CELF2: variants seen among roughly 807,000 people sequenced by gnomAD.
CELF2 encodes CUG triplet repeat RNA-binding protein 2.
Under a neutral mutation model 62.6 loss-of-function variants are expected in CELF2, and 8 were observed. The observed-to-expected ratio is 0.13, with a 90% CI of 0.07 to 0.23. The LOEUF is 0.23. Among genes scored for constraint, CELF2 ranks in the 10% least tolerant of loss-of-function variants. The pLI is 1.00. For missense variants in CELF2, 333 were observed against 671.0 expected, an observed-to-expected ratio of 0.50 and a Z score of 5.56; for synonymous variants, 258 against 250.0, an observed-to-expected ratio of 1.03 and a Z score of -0.30.
At chr10:10,814,557 C>T (rs1210765745) in intron 1 of CELF2, among the ~76,000 whole-genome samples, 3 of 152,196 alleles carry the variant, frequency 2.0e-5, no homozygotes, top group Admixed American at 1.3e-4. Flanking sequence ...ACTTCCAACA[C>T]GTGCCTCTTG....
intron 1 of CELF2, among the ~76,000 whole-genome samples, chr10:11,085,978 A>C (rs1283770388): frequency 6.6e-6 from 1 of 152,162 alleles, no homozygotes; most frequent in Non-Finnish European, 1.5e-5. Flanking sequence ...TAACAAGTTC[A>C]TTGTGATGGA....
chr10:10,871,669 C>T (rs1038156455), intron 1 of CELF2, among the ~76,000 whole-genome samples: 5 of 151,964 alleles, frequency 3.3e-5, no homozygotes, highest in African/African-American at 7.3e-5. Flanking sequence ...TCAGGCATTT[C>T]GAAAGACTTC....
At position 11,217,747 on chromosome 10, in the gene CELF2, T is replaced by C. The variant is rs1046765021; in HGVS notation, c.354+240T>C. ...GCATCCCCTGGTTAGAAAATCAGAG[T>C]GACCCCACTGGGCAGCCACGGCTGC... On this transcript the variant is annotated intron_variant, in intron 3 of 12. Transcript: ENST00000633077. This position sits in a 1 kb window ranked among gnomAD's most constrained non-coding sequence, Gnocchi z 5.6. Among the ~76,000 whole-genome samples, 3 of 151,882 alleles carry C rather than the reference T, an allele frequency of 2.0e-5. No individual in the cohort carries two copies. Among genetic ancestry groups the C allele is most frequent in the Non-Finnish European group, 2.9e-5 (2 of 67,972 alleles).
intron 1 of CELF2, among the ~76,000 whole-genome samples, chr10:11,149,362 G>A (rs982500475): frequency 2.0e-5 from 3 of 152,140 alleles, no homozygotes; most frequent in Non-Finnish European, 2.9e-5. Flanking sequence ...GAGCCACCAC[G>A]CCTGACCTAT....
rs372195630 is a variant in CELF2 at position 10,864,094 on chromosome 10, A to G, written c.54-55870A>G. Among the ~76,000 whole-genome samples, 10 of 152,308 alleles carry G rather than the reference A, an allele frequency of 6.6e-5. No individual in the cohort carries two copies. The East Asian group carries it at 1.2e-3, about 18-fold the overall frequency. On this transcript the variant is annotated intron_variant, in intron 1 of 13. Transcript: ENST00000636488. Reference sequence around the variant, plus strand: ...ACATGCTTATTATAATTAGCATATAATAAGGGCTTAGTCAAAATGCACTCA... The same window carrying G: ...ACATGCTTATTATAATTAGCATATAGTAAGGGCTTAGTCAAAATGCACTCA...
chr10:11,329,064 A>G lies in CELF2; in HGVS notation c.*11A>G, dbSNP rs1467602317. On this transcript the variant is annotated 3_prime_UTR_variant, in exon 13 of 13. Coordinates refer to ENST00000633077, the MANE Select transcript of CELF2 (RefSeq NM_001326342.2). The surrounding 1 kb of genome is among the most constrained non-coding windows in gnomAD (Gnocchi z 5.5). ...AGCAAACCTTACTGATCCTAACCCC[A>G]GAGGCTCCCTGCTCTCATTTTAGCT... 3.1e-6 allele frequency: 5 copies of G among 1,606,206 alleles called. No individual in the cohort carries two copies. Among genetic ancestry groups the G allele is most frequent in the Non-Finnish European group, 4.3e-6 (5 of 1,174,342 alleles).
chr10:11,104,478 G>A (rs2052783418), intron 1 of CELF2, among the ~76,000 whole-genome samples: 1 of 152,118 alleles, frequency 6.6e-6, no homozygotes, highest in Non-Finnish European at 1.5e-5. Flanking sequence ...ATCACATGAG[G>A]CCAGGAGCTC....
At chr10:11,251,583 A>G (rs2077161888) in intron 4 of CELF2, among the ~76,000 whole-genome samples, 1 of 152,124 alleles carries the variant, frequency 6.6e-6, no homozygotes, top group Non-Finnish European at 1.5e-5. Flanking sequence ...GGTAGCAGTT[A>G]TGAACTATTT....
chr10:10,891,401 A>G (rs985601797), intron 1 of CELF2, among the ~76,000 whole-genome samples: 2 of 151,928 alleles, frequency 1.3e-5, no homozygotes, highest in Admixed American at 1.3e-4. Context: ...AATCTCAAAG[A>G]TTTCTCTTTC....
intron 1 of CELF2, among the ~76,000 whole-genome samples, chr10:10,888,459 T>C (rs562268702): frequency 3.2e-4 from 48 of 152,348 alleles, no homozygotes; most frequent in Middle Eastern, 6.8e-3. Flanking sequence ...TATTGAATTA[T>C]AAGGACCAGT....
At chr10:11,166,039 G>T (rs1193745147) in intron 2 of CELF2, among the ~76,000 whole-genome samples, 1 of 152,334 alleles carries the variant, frequency 6.6e-6, no homozygotes, top group East Asian at 1.9e-4. Context: ...TGTATTTCAG[G>T]ACCTAACTCT....
intron 1 of CELF2, among the ~76,000 whole-genome samples, chr10:10,908,654 TAAC>T (rs771854306): frequency 1.4e-4 from 21 of 152,282 alleles, no homozygotes; most frequent in Non-Finnish European, 2.5e-4. Context: ...AAACCAACAT[TAAC>T]AACAACAACA....
chr10:10,977,036 G>T (rs979356070), intron 2 of CELF2, among the ~76,000 whole-genome samples: 1 of 152,140 alleles, frequency 6.6e-6, no homozygotes, highest in South Asian at 2.1e-4. Flanking sequence ...AAGAGTTCCT[G>T]CTGGTTAATA....
chr10:11,293,659 A>G (rs1424543486), intron 9 of CELF2, among the ~76,000 whole-genome samples: 1 of 152,222 alleles, frequency 6.6e-6, no homozygotes, highest in Non-Finnish European at 1.5e-5. Flanking sequence ...TGTCTGCAGG[A>G]CGGTGATGTG....
intron 1 of CELF2, among the ~76,000 whole-genome samples, chr10:11,057,966 AT>A (rs1047643459): frequency 2.0e-5 from 3 of 150,854 alleles, no homozygotes; most frequent in East Asian, 1.9e-4. Flanking sequence ...CTTCCTCTTA[AT>A]TTTTTTTTAG....
intron 8 of CELF2, among the ~76,000 whole-genome samples, chr10:11,283,527 TAATG>T (rs960958400): frequency 4.7e-4 from 70 of 150,326 alleles, no homozygotes; most frequent in African/African-American, 1.4e-3. Context: ...GGATGGGTGA[TAATG>T]GATGGATGAT....
chr10:10,605,344 G>A, the CELF2 span, among the ~76,000 whole-genome samples: 1 of 152,090 alleles, frequency 6.6e-6, no homozygotes, highest in Non-Finnish European at 1.5e-5. Flanking sequence ...CTAGGTGATG[G>A]GTTGATATGT....
rs932035318 is a variant in CELF2 at position 10,972,468 on chromosome 10, TC to T, written c.89+52474del. Among the ~76,000 whole-genome samples the T allele has an allele frequency of 4.6e-5, 7 of 152,196 alleles. No individual in the cohort carries two copies. The highest frequency in any genetic ancestry group is 1.3e-4 in the Admixed American group (2 of 15,288). ...CCCCATCCCTCTCGTCTCCTGGTTC[TC>T]CCCCTACATCTGTCCTTGTAATTCT... is the stretch of plus-strand genomic sequence containing the variant. On this transcript the variant is annotated intron_variant, in intron 2 of 13. Transcript: ENST00000636488. This position sits in a 1 kb window ranked among gnomAD's most constrained non-coding sequence, Gnocchi z 4.4.
chr10:10,584,673 C>T, the CELF2 span, among the ~76,000 whole-genome samples: 8 of 152,224 alleles, frequency 5.3e-5, no homozygotes, highest in East Asian at 1.4e-3. Flanking sequence ...CTAACAATAT[C>T]GATTCTTGTA....
Sources: gnomAD v4.1 joint callset for allele counts (sites outside exome capture counted in the v4.1 genomes callset) on GRCh38, gnomAD v4.1.1 for gene constraint, Gnocchi (gnomAD v3.1) non-coding constraint, MANE v1.5 for transcripts, NCBI Gene and HGNC (gene_info 2026-07-23, HGNC 2026-07-21) for gene names.